DYTN: variants seen among roughly 807,000 people sequenced by gnomAD.
DYTN encodes dystrotelin.
Under a neutral mutation model 69.6 loss-of-function variants are expected in DYTN, and 75 were observed. The ratio of observed to expected loss-of-function variants is 1.08; its 90% confidence interval spans 0.89 to 1.31. DYTN has a LOEUF of 1.31. Ranked by LOEUF, DYTN falls within the 50% of genes most tolerant of loss-of-function variation. The pLI, the probability that DYTN is intolerant of heterozygous loss-of-function variation, is 0.00. For synonymous variants in DYTN, 252 were observed against 249.1 expected, an observed-to-expected ratio of 1.01 and a Z score of -0.11; for missense variants, 726 against 688.4, an observed-to-expected ratio of 1.05 and a Z score of -0.61.
intron 9 of DYTN, among the ~76,000 whole-genome samples, chr2:206,670,741 A>C (rs528993141): frequency 6.6e-6 from 1 of 152,324 alleles, no homozygotes; most frequent in African/African-American, 2.4e-5. Flanking sequence ...CTCAAAGTAC[A>C]ACTGCATATC....
chr2:206,706,755 C>G (rs1025388927), intron 3 of DYTN, among the ~76,000 whole-genome samples: 13 of 152,132 alleles, frequency 8.5e-5, no homozygotes, highest in Middle Eastern at 3.4e-3. Context: ...GGAATTGAAA[C>G]CTTACAGCTC....
At chr2:206,654,553 A>G (rs752770325) in intron 11 of DYTN, among the ~76,000 whole-genome samples, 7 of 152,182 alleles carry the variant, frequency 4.6e-5, no homozygotes, top group Non-Finnish European at 7.3e-5. Context: ...GTTCAACAGT[A>G]GGCTATTGGT....
In DYTN at chr2:206,693,336, C is replaced by T. The variant is rs1054613354; in HGVS notation, c.832-13G>A. On this transcript the variant is annotated splice_polypyrimidine_tract_variant and intron_variant, in intron 8 of 11. Coordinates refer to ENST00000452335, the MANE Select transcript of DYTN (RefSeq NM_001093730.1). The stretch of plus-strand genomic sequence containing the variant: ...GCATTGCTGACATCTGCTGAAAGGG[C>T]CAACATTTTTAAAAAGCGTCAGATC... The T allele has an allele frequency of 6.2e-7, 1 of 1,608,612 alleles. No individual in the cohort carries two copies. The highest frequency in any genetic ancestry group is 2.2e-5 in the East Asian group (1 of 44,860).
chr2:206,695,158 C>T (rs1281049861), intron 7 of DYTN, among the ~76,000 whole-genome samples: 2 of 152,154 alleles, frequency 1.3e-5, no homozygotes, highest in East Asian at 3.8e-4. Context: ...ATACGAAGTG[C>T]CTTCTATATG....
intron 1 of DYTN, among the ~76,000 whole-genome samples, chr2:206,715,734 G>A (rs1312511054): frequency 6.6e-6 from 1 of 152,222 alleles, no homozygotes; most frequent in Non-Finnish European, 1.5e-5. Flanking sequence ...CAGAGAGGAG[G>A]TTAGAGAACC....
chr2:206,685,706 C>T (rs183538220), intron 9 of DYTN, among the ~76,000 whole-genome samples: 1 of 152,156 alleles, frequency 6.6e-6, no homozygotes, highest in African/African-American at 2.4e-5. Context: ...GAGCCTTCAC[C>T]CACCCACCCT....
chr2:206,698,604 C>T (rs989585030), intron 7 of DYTN, among the ~76,000 whole-genome samples: 2 of 152,210 alleles, frequency 1.3e-5, no homozygotes, highest in South Asian at 4.1e-4. Context: ...CTGGCCTACA[C>T]CTGGTGGTTT....
At chr2:206,678,823 C>G (rs1265381061) in intron 9 of DYTN, among the ~76,000 whole-genome samples, 2 of 152,070 alleles carry the variant, frequency 1.3e-5, no homozygotes, top group African/African-American at 2.4e-5. Context: ...TTGAAACTTT[C>G]TATAATAAAT....
At chr2:206,702,782 C>A (rs920776866) in intron 5 of DYTN, among the ~76,000 whole-genome samples, 3 of 152,190 alleles carry the variant, frequency 2.0e-5, no homozygotes, top group African/African-American at 7.2e-5. Context: ...AAATTCACTT[C>A]TGTAGTGGGT....
chr2:206,671,106 A>G (rs1196848366), intron 9 of DYTN, among the ~76,000 whole-genome samples: 1 of 152,182 alleles, frequency 6.6e-6, no homozygotes, highest in Admixed American at 6.5e-5. Flanking sequence ...CTGCAACCCC[A>G]GGACAAGTTC....
intron 11 of DYTN, among the ~76,000 whole-genome samples, chr2:206,653,043 T>G (rs1291755563): frequency 6.6e-6 from 1 of 152,176 alleles, no homozygotes; most frequent in East Asian, 1.9e-4. Flanking sequence ...ATCTGTGCTG[T>G]TTTTTGTTGA....
At chr2:206,701,655 G>T (rs149397938) in intron 5 of DYTN, among the ~76,000 whole-genome samples, 31 of 152,232 alleles carry the variant, frequency 2.0e-4, no homozygotes, top group East Asian at 1.7e-3. Context: ...AGAAGATGTT[G>T]ATTAAAGGGT....
intron 9 of DYTN, among the ~76,000 whole-genome samples, chr2:206,684,701 T>C (rs1284483892): frequency 6.6e-6 from 1 of 152,218 alleles, no homozygotes; most frequent in East Asian, 1.9e-4. Context: ...TGTGATTGCC[T>C]ATTTACATAT....
Position 206,665,904 on chromosome 2 carries a change from C to T in DYTN, c.1106G>A (p.Trp369Ter), listed in dbSNP as rs983928006. 1 of 1,613,948 alleles carries T rather than the reference C, an allele frequency of 6.2e-7. No individual in the cohort carries two copies. The highest frequency in any genetic ancestry group is 1.7e-5 in the Admixed American group (1 of 60,000). Reference protein sequence around the residue: ...HKLKTNQDSLWTKLQQIRRDL... With the variant: ...HKLKTNQDSL ...CCGTCTTATCTGTTGTAGCTTGGTC[C>T]ATAGACTATCCTGGTTGGTTTTGAG... is the stretch of plus-strand genomic sequence containing the variant. Residue 369 changes from tryptophan to a stop codon, truncating the protein, a stop_gained, in exon 10 of 12, where the codon TGG (tryptophan) becomes TAG (stop). Transcript: ENST00000452335. LOFTEE classifies it high-confidence loss of function.
Position 206,694,661 on chromosome 2 carries a change from G to A in DYTN, c.831+105C>T, listed in dbSNP as rs1699900485. 4.7e-6 allele frequency: 4 copies of A among 843,500 alleles called. No homozygotes were observed. The South Asian group carries it at 6.9e-5, about 15-fold the overall frequency. 52.3% of individuals were successfully genotyped at this position (843,500 alleles called of 1,614,324 possible). ...CTTAGTCTTAAATATTGCAATGTAT[G>A]ACAGGAGCAGAATCTGTGGTTTCAC... On this transcript the variant is annotated intron_variant, in intron 8 of 11. Coordinates refer to ENST00000452335, the MANE Select transcript of DYTN (RefSeq NM_001093730.1).
At chr2:206,659,484 C>CAAAAAAAAAAAAAAAAAAAA (rs772861150) in intron 11 of DYTN, among the ~76,000 whole-genome samples, 1 of 64,574 alleles carries the variant, frequency 1.5e-5, no homozygotes, top group African/African-American at 5.7e-5. Flanking sequence ...CAACAATTCT[C>CAAAAAAAAAAAAAAAAAAAA]AAAAAAAAAA....
At chr2:206,715,503 T>C (rs542311069) in intron 1 of DYTN, among the ~76,000 whole-genome samples, 11 of 152,174 alleles carry the variant, frequency 7.2e-5, no homozygotes, top group African/African-American at 2.6e-4. Flanking sequence ...GGAAGAAATA[T>C]GGGTGCAGGC....
At chr2:206,700,522 C>T (rs187730954) in intron 5 of DYTN, among the ~76,000 whole-genome samples, 4 of 152,086 alleles carry the variant, frequency 2.6e-5, no homozygotes, top group Non-Finnish European at 4.4e-5. Flanking sequence ...TTATTTTATC[C>T]TTTCTTTGCC....
chr2:206,665,177 G>A, intron 10 of DYTN, among the ~76,000 whole-genome samples: 1 of 152,136 alleles, frequency 6.6e-6, no homozygotes, highest in East Asian at 1.9e-4. Flanking sequence ...TGCTGAAGTG[G>A]TTACAAAAAT....
Sources: gnomAD v4.1 joint callset for allele counts (sites outside exome capture counted in the v4.1 genomes callset) on GRCh38, gnomAD v4.1.1 for gene constraint, MANE v1.5 for transcripts, NCBI Gene and HGNC (gene_info 2026-07-23, HGNC 2026-07-21) for gene names.